Variants in MMP16 observed in about 807,000 individuals in gnomAD.
MMP16 encodes matrix metallopeptidase 16, also known as matrix metalloproteinase-16.
MMP16 carries 12 observed loss-of-function variants against 67.8 expected under a neutral mutation model. The observed-to-expected ratio is 0.18, with a 90% confidence interval of 0.11 to 0.29. The LOEUF (loss-of-function observed/expected upper bound fraction) is 0.29. Ranked by LOEUF, MMP16 falls within the 10% of genes least tolerant of loss-of-function variation. The pLI, the probability that MMP16 is intolerant of heterozygous loss-of-function variation, is 1.00. For missense variants in MMP16, 475 were observed against 765.7 expected (o/e 0.62, Z 4.48); for synonymous variants, 249 against 255.9 (o/e 0.97, Z 0.26).
At chr8:88,176,841 A>T (rs149295650) in intron 3 of MMP16, among the ~76,000 whole-genome samples, 102 of 152,286 alleles carry the variant, frequency 6.7e-4, no homozygotes, top group African/African-American at 2.3e-3. Context: ...GTAAGTCTTC[A>T]TATCTTGTGG....
Position 88,041,660 on chromosome 8 carries a change from CCTT to C in MMP16, c.1622_1624del (p.Glu541del). Reference sequence around the variant, plus strand: ...GTCTACATCATCTGGTGGGCTGTGTCCTTCTTTAACTCTGTCTGTTGGTCCATC... The same window carrying C: ...GTCTACATCATCTGGTGGGCTGTGTCCTTTAACTCTGTCTGTTGGTCCATC... On this transcript the variant is annotated inframe_deletion, in exon 10 of 10. Transcript: ENST00000286614. This position sits in a 1 kb window ranked among gnomAD's most constrained non-coding sequence, Gnocchi z 6.0. The C allele has an allele frequency of 6.2e-7, 1 of 1,614,048 alleles. No homozygotes were observed. Among genetic ancestry groups the C allele is most frequent in the Middle Eastern group, 1.7e-4 (1 of 6,052 alleles).
chr8:88,140,984 T>C (rs901656680), intron 4 of MMP16, among the ~76,000 whole-genome samples: 5 of 152,118 alleles, frequency 3.3e-5, no homozygotes, highest in African/African-American at 1.2e-4. Flanking sequence ...TCCTTCCCAG[T>C]TTATCAATAA....
chr8:88,083,487 G>T (rs1563526687), intron 6 of MMP16, among the ~76,000 whole-genome samples: 1 of 151,982 alleles, frequency 6.6e-6, no homozygotes, highest in Non-Finnish European at 1.5e-5. Flanking sequence ...GGTAAATTTG[G>T]GATTAAAGTG....
intron 8 of MMP16, among the ~76,000 whole-genome samples, chr8:88,053,984 T>C (rs1250428984): frequency 8.5e-5 from 13 of 152,228 alleles, no homozygotes; most frequent in Admixed American, 8.5e-4. Flanking sequence ...TCCCATTTTC[T>C]ATAGTCTTTA....
At chr8:88,276,512 C>T (rs1199277698) in intron 1 of MMP16, among the ~76,000 whole-genome samples, 1 of 151,998 alleles carries the variant, frequency 6.6e-6, no homozygotes, top group Non-Finnish European at 1.5e-5. Context: ...TTGGAAAATT[C>T]CAGAGAAGAA....
intron 7 of MMP16, among the ~76,000 whole-genome samples, chr8:88,061,170 ACC>A (rs1022006009): frequency 1.4e-5 from 2 of 138,602 alleles, no homozygotes; most frequent in African/African-American, 2.9e-5. Flanking sequence ...ACACACACAC[ACC>A]CCTCATCCTA....
chr8:88,215,846 T>C (rs1455816690), intron 1 of MMP16, among the ~76,000 whole-genome samples: 1 of 152,186 alleles, frequency 6.6e-6, no homozygotes, highest in Non-Finnish European at 1.5e-5. Flanking sequence ...GGATTCTGAC[T>C]GACATGTATG....
chr8:88,165,676 A>G (rs945160252), intron 4 of MMP16, among the ~76,000 whole-genome samples: 2 of 152,142 alleles, frequency 1.3e-5, no homozygotes, highest in African/African-American at 4.8e-5. Context: ...GGTATGCCCC[A>G]ACTACCATGT....
At chr8:88,243,224 A>C (rs762554279) in intron 1 of MMP16, among the ~76,000 whole-genome samples, 6 of 152,184 alleles carry the variant, frequency 3.9e-5, no homozygotes, top group Admixed American at 6.5e-5. Context: ...TATATTACCA[A>C]GGTCATATAT....
intron 4 of MMP16, among the ~76,000 whole-genome samples, chr8:88,134,356 A>C (rs1156246891): frequency 6.6e-6 from 1 of 151,632 alleles, no homozygotes; most frequent in East Asian, 1.9e-4. Flanking sequence ...TTATATATTC[A>C]ATATCCAGTA....
chr8:88,246,661 A>T (rs778764735), intron 1 of MMP16, among the ~76,000 whole-genome samples: 37 of 152,082 alleles, frequency 2.4e-4, no homozygotes, highest in Non-Finnish European at 4.4e-5. Flanking sequence ...TTAGTCATGT[A>T]CTCCAGACAT....
intron 4 of MMP16, among the ~76,000 whole-genome samples, chr8:88,153,881 T>C (rs1215176840): frequency 6.6e-6 from 1 of 151,784 alleles, no homozygotes; most frequent in Non-Finnish European, 1.5e-5. Context: ...CTAATTAAAC[T>C]AAAGAGCCTC....
intron 1 of MMP16, among the ~76,000 whole-genome samples, chr8:88,200,049 C>A (rs1350863407): frequency 6.6e-6 from 1 of 151,944 alleles, no homozygotes. Context: ...GTAAGTCATA[C>A]TATTATTTTA....
intron 1 of MMP16, among the ~76,000 whole-genome samples, chr8:88,228,766 G>A (rs1809810532): frequency 6.6e-6 from 1 of 152,026 alleles, no homozygotes; most frequent in Non-Finnish European, 1.5e-5. Context: ...TGTATCAGAA[G>A]GCAACTATTA....
At chr8:88,281,523 A>G (rs1437505871) in intron 1 of MMP16, among the ~76,000 whole-genome samples, 2 of 152,346 alleles carry the variant, frequency 1.3e-5, no homozygotes, top group South Asian at 2.1e-4. Flanking sequence ...GTGGATGTTA[A>G]TATCAGAACC....
chr8:88,088,294 T>C (rs1014417468), intron 6 of MMP16, among the ~76,000 whole-genome samples: 7 of 151,478 alleles, frequency 4.6e-5, no homozygotes, highest in African/African-American at 1.7e-4. Context: ...AAATAGTCAA[T>C]AGACTCTACT....
chr8:88,113,354 T>G (rs114839231), intron 6 of MMP16, among the ~76,000 whole-genome samples: 1 of 151,832 alleles, frequency 6.6e-6, no homozygotes, highest in Admixed American at 6.6e-5. Context: ...GACATTAAAA[T>G]TTAGGAGAAA....
intron 4 of MMP16, among the ~76,000 whole-genome samples, chr8:88,126,756 T>C (rs910800563): frequency 6.6e-6 from 1 of 151,868 alleles, no homozygotes; most frequent in Non-Finnish European, 1.5e-5. Context: ...ACTGACTGTA[T>C]ACAATTTAGT....
At chr8:88,293,592 T>C (rs1371209169) in intron 1 of MMP16, among the ~76,000 whole-genome samples, 1 of 152,038 alleles carries the variant, frequency 6.6e-6, no homozygotes, top group East Asian at 1.9e-4. Context: ...ATAAAAAGGG[T>C]ATTATGGAAA....
Sources: gnomAD v4.1 joint callset for allele counts (sites outside exome capture counted in the v4.1 genomes callset) on GRCh38, gnomAD v4.1.1 for gene constraint, Gnocchi (gnomAD v3.1) non-coding constraint, MANE v1.5 for transcripts, NCBI Gene and HGNC (gene_info 2026-07-23, HGNC 2026-07-21) for gene names.